APBA3: variants seen among roughly 807,000 people sequenced by gnomAD.
The protein encoded by APBA3 is amyloid beta precursor protein binding family A member 3.
In APBA3, 45 loss-of-function variants were observed where a neutral mutation model predicts 55.9. That is an observed-to-expected ratio of 0.80 (90% CI 0.63 to 1.03). The LOEUF (loss-of-function observed/expected upper bound fraction) is 1.03. APBA3 is among the 50% of genes least tolerant of loss of function. APBA3 has a pLI of 0.00. For missense variants in APBA3, 865 were observed against 820.3 expected, an observed-to-expected ratio of 1.05 and a Z score of -0.67; for synonymous variants, 370 against 353.3, an observed-to-expected ratio of 1.05 and a Z score of -0.53.
At chr19:3,761,111 G>A (rs892327192) in intron 1 of APBA3, among the ~76,000 whole-genome samples, 2 of 151,988 alleles carry the variant, frequency 1.3e-5, no homozygotes, top group African/African-American at 4.8e-5. Flanking sequence ...GTGGCTTCCC[G>A]AGCCCCTGTG....
Position 3,759,551 on chromosome 19 carries a change from G to A in APBA3, c.616+10C>T. 1 of 1,593,714 alleles carries A rather than the reference G, an allele frequency of 6.3e-7. No individual in the cohort carries two copies. The highest frequency in any genetic ancestry group is 2.3e-5 in the East Asian group (1 of 43,998). ...TCAGTGCCTGAGGCTAGGGTGGGCG[G>A]GACACTCACCCTCCTGGGGGGCAGG... is the stretch of plus-strand genomic sequence containing the variant. On this transcript the variant is annotated intron_variant, in intron 3 of 10. Coordinates refer to ENST00000316757, the MANE Select transcript of APBA3 (RefSeq NM_004886.4).
At position 3,754,095 on chromosome 19, in the gene APBA3, C is replaced by G. The variant is rs1429718386; in HGVS notation, c.773G>C (p.Gly258Ala). Residue 258 changes from glycine to alanine, a missense_variant, in exon 5 of 11, where the codon GGG becomes GCG. Coordinates refer to ENST00000316757, the MANE Select transcript of APBA3 (RefSeq NM_004886.4). ...CACCTCCGTCATGGGCTGGGTCTCC[C>G]CATCGGGGGCCTGTGGGTGGCGGCG... ...EAMDRVKAPD[G>A]ETQPMTEVDL... is the part of the protein sequence containing the mutation. 6.2e-7 allele frequency: 1 copy of G among 1,604,494 alleles called. No homozygotes were observed. Among genetic ancestry groups the G allele is most frequent in the Non-Finnish European group, 8.5e-7 (1 of 1,175,862 alleles).
Position 3,759,934 on chromosome 19 carries a change from C to A in APBA3, c.331G>T (p.Asp111Tyr). ...GLLSAEAGRD[D>Y]LLGLLHCEEC... ...TCGCAGTGCAAGAGGCCCAGCAGGT[C>A]ATCCCGGCCAGCTTCGGCAGACAGG... The change falls in exon 2 of 11, where the codon GAC becomes TAC. Residue 111 changes from aspartate to tyrosine, a missense_variant. Transcript: ENST00000316757. The A allele has an allele frequency of 4.3e-6, 7 of 1,610,640 alleles. No individual in the cohort carries two copies. Among genetic ancestry groups the A allele is most frequent in the Non-Finnish European group, 5.9e-6 (7 of 1,179,172 alleles).
chr19:3,756,659 G>A (rs1486720406), intron 3 of APBA3: 4 of 152,168 alleles, frequency 2.6e-5, no homozygotes, highest in Non-Finnish European at 5.9e-5. Flanking sequence ...GGAGGCGGAG[G>A]TTGCGGTGAG....
At chr19:3,751,574 G>T in intron 8 of APBA3, 21 bp from the exon 9 acceptor site, 1 of 1,571,028 alleles carries the variant, frequency 6.4e-7, no homozygotes, top group Non-Finnish European at 8.6e-7. Flanking sequence ...GGGGCCGTTG[G>T]CCTCACTCAG....
At chr19:3,759,372 C>T (rs1167049939) in intron 3 of APBA3, among the ~76,000 whole-genome samples, 189 bp downstream of exon 3, 1 of 152,196 alleles carries the variant, frequency 6.6e-6, no homozygotes, top group East Asian at 1.9e-4. Flanking sequence ...CCCCACAGTC[C>T]CCTTCTCACT....
chr19:3,759,470 C>A, intron 3 of APBA3, 91 bp downstream of exon 3: 1 of 1,326,846 alleles, frequency 7.5e-7, no homozygotes, highest in Non-Finnish European at 1.1e-6. Context: ...GAACCTCGTC[C>A]TTACTGGCAA....
At position 3,750,813 on chromosome 19, in the gene APBA3, A is replaced by T; in HGVS notation, c.*213T>A. 3.0e-6 allele frequency: 3 copies of T among 1,009,210 alleles called. No individual in the cohort carries two copies. In the South Asian group the frequency reaches 4.5e-5, roughly 15 times the overall value. The allele number at this position is 1,009,210 out of a possible 1,614,324, so 62.5% of individuals were successfully genotyped here. On this transcript the variant is annotated 3_prime_UTR_variant, in exon 11 of 11. Coordinates refer to ENST00000316757, the MANE Select transcript of APBA3 (RefSeq NM_004886.4). ...TTAATAAACAGAGTATTTTCACAGC[A>T]CCGGCTTCTAGTGGCTTCCAGGAAG...
In APBA3 at chr19:3,761,618, G is replaced by C. The variant is rs1033047326; in HGVS notation, c.-120C>G. ...ACGGCCCCGACGTAGCCCGGGCCGC[G>C]TCCCCAGAAGGCGCAGCTCGGGGAT... On this transcript the variant is annotated 5_prime_UTR_variant, in exon 1 of 11. Coordinates refer to ENST00000316757, the MANE Select transcript of APBA3 (RefSeq NM_004886.4). 6.6e-5 allele frequency: 10 copies of C among 152,372 alleles called. No individual in the cohort carries two copies. The highest frequency in any genetic ancestry group is 2.4e-4 in the African/African-American group (10 of 41,442). The allele number at this position is 152,372 out of a possible 1,614,324, so 9.4% of individuals were successfully genotyped here.
At position 3,760,155 on chromosome 19, in the gene APBA3, C is replaced by A. The variant is rs2037127561; in HGVS notation, c.110G>T (p.Trp37Leu). 6.2e-7 allele frequency: 1 copy of A among 1,613,284 alleles called. No individual in the cohort carries two copies. The highest frequency in any genetic ancestry group is 8.5e-7 in the Non-Finnish European group (1 of 1,180,034). Residue 37 changes from tryptophan (W) to leucine (L), a missense_variant, in exon 2 of 11, where the codon TGG becomes TTG. By Grantham distance (61) the Trp-to-Leu change is moderately conservative (BLOSUM62 -2). Coordinates refer to ENST00000316757, the MANE Select transcript of APBA3 (RefSeq NM_004886.4). Reference sequence around the variant, plus strand: ...GCCGGGGCCTCCTGGCATAGGGTCCCACTGGCTGTCAGGGGTGAGGTCCTC... The same window carrying A: ...GCCGGGGCCTCCTGGCATAGGGTCCAACTGGCTGTCAGGGGTGAGGTCCTC... ...PSEDLTPDSQ[W>L]DPMPGGPGSL...
In APBA3 at chr19:3,758,259, T is replaced by A. The variant is rs2037102635; in HGVS notation, c.616+1302A>T. On this transcript the variant is annotated intron_variant, in intron 3 of 10. Transcript: ENST00000316757. ...TATGCACACTGAAATTTGAATTGCA[T>A]TTTTTTATTTTTGAGACAGAGTCTC... Among the ~76,000 whole-genome samples, 6 of 151,886 alleles carry A rather than the reference T, an allele frequency of 4.0e-5. No homozygotes were observed. In the South Asian group the frequency reaches 1.2e-3, roughly 32 times the overall value.
intron 3 of APBA3, among the ~76,000 whole-genome samples, chr19:3,757,209 C>T (rs530757077): frequency 6.6e-6 from 1 of 152,154 alleles, no homozygotes; most frequent in South Asian, 2.1e-4. Context: ...AGTGATCCTC[C>T]CACCTCAGCC....
intron 1 of APBA3, 102 bp from the exon 2 acceptor site, chr19:3,760,403 G>A: frequency 7.0e-6 from 5 of 717,396 alleles, no homozygotes; most frequent in Non-Finnish European, 1.1e-5. Flanking sequence ...CTGAACCCAG[G>A]AGTTCAAGAT....
rs898400447 is a variant in APBA3, at chr19:3,750,936, C to T, written c.*90G>A. On this transcript the variant is annotated 3_prime_UTR_variant, in exon 11 of 11. Coordinates refer to ENST00000316757, the MANE Select transcript of APBA3 (RefSeq NM_004886.4). ...TAGGAAATCATACAGGACCAAGAAC[C>T]GCTGGGGTCCTGGCCAGCCAGGGCA... 151 of 1,388,652 alleles carry T rather than the reference C, an allele frequency of 1.1e-4. No homozygotes were observed. The African/African-American group carries it at 1.9e-3, about 17-fold the overall frequency. The allele number at this position is 1,388,652 out of a possible 1,614,324, so 86.0% of individuals were successfully genotyped here.
rs539177528 is a variant in APBA3, at chr19:3,750,815, C to T, written c.*211G>A. 19 of 1,004,544 alleles carry T rather than the reference C, an allele frequency of 1.9e-5. No individual in the cohort carries two copies. Among genetic ancestry groups the T allele is most frequent in the South Asian group, 6.0e-5 (4 of 66,868 alleles). The allele number at this position is 1,004,544 out of a possible 1,614,324, so 62.2% of individuals were successfully genotyped here. A position where few individuals can be genotyped will look rare whatever the true frequency, so the allele number is the denominator to read the frequency against. ...AATAAACAGAGTATTTTCACAGCAC[C>T]GGCTTCTAGTGGCTTCCAGGAAGGA... On this transcript the variant is annotated 3_prime_UTR_variant, in exon 11 of 11. Transcript: ENST00000316757.
chr19:3,753,123 C>T (rs780589522), intron 6 of APBA3, 133 bp from the exon 7 acceptor site: 34 of 1,065,862 alleles, frequency 3.2e-5, no homozygotes, highest in Non-Finnish European at 4.5e-5. Context: ...GCCTTCTGCC[C>T]TGGGGCTTTG....
In APBA3 at chr19:3,760,014, T is replaced by C; in HGVS notation, c.251A>G (p.His84Arg). The C allele has an allele frequency of 6.2e-7, 1 of 1,612,636 alleles. No homozygotes were observed. Among genetic ancestry groups the C allele is most frequent in the Non-Finnish European group, 8.5e-7 (1 of 1,179,802 alleles). ...PSPGGAPCPL[H>R]IATGHGLASQ... ...GGCCAGGCCATGGCCTGTGGCAATG[T>C]GTAGGGGACAGGGGGCTCCACCTGG... Residue 84 changes from histidine to arginine, a missense_variant, in exon 2 of 11, where the codon CAC becomes CGC. Coordinates refer to ENST00000316757, the MANE Select transcript of APBA3 (RefSeq NM_004886.4).
chr19:3,751,542 C>T lies in APBA3; in HGVS notation c.1407G>A (p.Ser469=), dbSNP rs780600772. ...CGATGCTGAGTGTCACCGACGTCTG[C>T]GACTTCGTCTCCTGTGGGGCGGGGG... ...ACQAAVRETK[S]QTSVTLSIVH... The change falls in exon 9 of 11, where the codon TCG becomes TCA. Residue 469 remains serine (S), a synonymous_variant. Transcript: ENST00000316757. 24 of 1,589,778 alleles carry T rather than the reference C, an allele frequency of 1.5e-5. No individual in the cohort carries two copies. The South Asian group carries it at 1.7e-4, about 11-fold the overall frequency.
Position 3,752,841 on chromosome 19 carries a change from G to A in APBA3, c.1161C>T (p.Ser387=). Residue 387 remains serine, a synonymous_variant, in exon 7 of 11, where the codon TCC becomes TCT. Coordinates refer to ENST00000316757, the MANE Select transcript of APBA3 (RefSeq NM_004886.4). The part of the protein sequence containing the change: ...HLHNGDLDHF[S]NSDNCREVHL... ...TCACCTCCCGGCAGTTGTCACTGTT[G>A]GAGAAGTGGTCCAGGTCCCCATTAT... The A allele has an allele frequency of 1.2e-6, 2 of 1,613,322 alleles. No individual in the cohort carries two copies. Among genetic ancestry groups the A allele is most frequent in the Non-Finnish European group, 8.5e-7 (1 of 1,179,870 alleles).
Sources: gnomAD v4.1 joint callset for allele counts (sites outside exome capture counted in the v4.1 genomes callset) on GRCh38, gnomAD v4.1.1 for gene constraint, MANE v1.5 for transcripts, NCBI Gene and HGNC (gene_info 2026-07-23, HGNC 2026-07-21) for gene names.